The following HS6ST3 variants were observed in gnomAD, a reference collection of about 807,000 sequenced individuals.
HS6ST3 encodes the protein heparan-sulfate 6-O-sulfotransferase 3.
In HS6ST3, 12 loss-of-function variants were observed where a neutral mutation model predicts 36.7. That is an observed-to-expected ratio of 0.33 (90% CI 0.21 to 0.53). The LOEUF is 0.53. Ranked by LOEUF, HS6ST3 falls within the 20% of genes least tolerant of loss-of-function variation. The pLI, the probability that HS6ST3 is intolerant of heterozygous loss-of-function variation, is 0.95. For missense variants in HS6ST3, 584 were observed against 640.9 expected, an observed-to-expected ratio of 0.91 and a Z score of 0.96; for synonymous variants, 240 against 257.5, an observed-to-expected ratio of 0.93 and a Z score of 0.65.
At chr13:96,564,839 T>C (rs1463964248) in intron 1 of HS6ST3, among the ~76,000 whole-genome samples, 1 of 152,176 alleles carries the variant, frequency 6.6e-6, no homozygotes, top group South Asian at 2.1e-4. Flanking sequence ...TCGTAGTAAC[T>C]AAATTTCCTA....
intron 1 of HS6ST3, among the ~76,000 whole-genome samples, chr13:96,129,360 A>G (rs925643479): frequency 6.6e-6 from 1 of 152,230 alleles, no homozygotes; most frequent in African/African-American, 2.4e-5. Flanking sequence ...GTAACCTGAT[A>G]ACTGTATTAA....
At chr13:96,134,090 G>T (rs922359158) in intron 1 of HS6ST3, among the ~76,000 whole-genome samples, 1 of 152,008 alleles carries the variant, frequency 6.6e-6, no homozygotes, top group Non-Finnish European at 1.5e-5. Context: ...CCAGTTGACT[G>T]TAAGTTCATG....
chr13:96,591,772 C>T (rs1201606484), intron 1 of HS6ST3, among the ~76,000 whole-genome samples: 1 of 151,998 alleles, frequency 6.6e-6, no homozygotes, highest in Non-Finnish European at 1.5e-5. Flanking sequence ...TTGTTGTGTT[C>T]CTGATCTCAG....
At chr13:96,406,213 TACAGACAATTATG>T (rs1404516834) in intron 1 of HS6ST3, among the ~76,000 whole-genome samples, 1 of 152,242 alleles carries the variant, frequency 6.6e-6, no homozygotes, top group African/African-American at 2.4e-5. Flanking sequence ...TGCTATCACA[TACAGACAATTATG>T]ACAGCTCCTT....
At chr13:96,249,303 C>T (rs1393174091) in intron 1 of HS6ST3, among the ~76,000 whole-genome samples, 1 of 152,156 alleles carries the variant, frequency 6.6e-6, no homozygotes, top group Non-Finnish European at 1.5e-5. Flanking sequence ...GTGGACTTTG[C>T]TTAAGATAAT....
chr13:96,835,115 G>A lies in HS6ST3; in HGVS notation c.*1917G>A, dbSNP rs976576082. 7 of 152,114 alleles carry A rather than the reference G, an allele frequency of 4.6e-5. No homozygotes were observed. Among genetic ancestry groups the A allele is most frequent in the East Asian group, 1.9e-4 (1 of 5,196 alleles). 9.4% of individuals were successfully genotyped at this position (152,114 alleles called of 1,614,324 possible). On this transcript the variant is annotated 3_prime_UTR_variant, in exon 2 of 2. Coordinates refer to ENST00000376705, the MANE Select transcript of HS6ST3 (RefSeq NM_153456.4). ...GCAAAGGTCAAGTTCTCTTTACTCC[G>A]TCACCATATCCATATGGAATAAGGG...
At chr13:96,498,366 G>T (rs1354163643) in intron 1 of HS6ST3, among the ~76,000 whole-genome samples, 1 of 152,140 alleles carries the variant, frequency 6.6e-6, no homozygotes, top group Non-Finnish European at 1.5e-5. Flanking sequence ...AGACCTTGAG[G>T]CTTCTTCTTC....
At chr13:96,597,544 T>A (rs370563263) in intron 1 of HS6ST3, among the ~76,000 whole-genome samples, 34 of 152,096 alleles carry the variant, frequency 2.2e-4, no homozygotes, top group African/African-American at 7.9e-4. Flanking sequence ...ATTTATTTTT[T>A]TTTCTTGATG....
At chr13:96,292,687 A>G (rs1481598186) in intron 1 of HS6ST3, among the ~76,000 whole-genome samples, 2 of 152,112 alleles carry the variant, frequency 1.3e-5, no homozygotes, top group South Asian at 2.1e-4. Flanking sequence ...GACAGATAAG[A>G]ACTCTGTTCC....
intron 1 of HS6ST3, among the ~76,000 whole-genome samples, chr13:96,119,165 C>T (rs1235479895): frequency 6.6e-6 from 1 of 152,026 alleles, no homozygotes; most frequent in East Asian, 1.9e-4. Flanking sequence ...AGCACAATTA[C>T]AGCATATAGG....
intron 1 of HS6ST3, among the ~76,000 whole-genome samples, chr13:96,713,613 A>G (rs960045881): frequency 1.3e-5 from 2 of 152,214 alleles, no homozygotes; most frequent in African/African-American, 4.8e-5. Context: ...AGGCATGTGC[A>G]TTCAACAATT....
intron 1 of HS6ST3, among the ~76,000 whole-genome samples, chr13:96,824,385 T>G (rs1878606484): frequency 6.6e-6 from 1 of 152,260 alleles, no homozygotes; most frequent in Non-Finnish European, 1.5e-5. Context: ...CCTAAAGCTC[T>G]TTATTATGAT....
intron 1 of HS6ST3, among the ~76,000 whole-genome samples, chr13:96,354,784 G>C (rs1167227924): frequency 6.6e-6 from 1 of 151,670 alleles, no homozygotes; most frequent in Non-Finnish European, 1.5e-5. Flanking sequence ...AAAGTACCCT[G>C]AAAAAAAAGT....
chr13:96,413,148 T>C (rs1005623499), intron 1 of HS6ST3, among the ~76,000 whole-genome samples: 1 of 152,222 alleles, frequency 6.6e-6, no homozygotes, highest in African/African-American at 2.4e-5. Flanking sequence ...GGATGCTTTC[T>C]GTATTTCACT....
At chr13:96,273,947 C>CCCTT (rs1209301154) in intron 1 of HS6ST3, among the ~76,000 whole-genome samples, 44 of 81,276 alleles carry the variant, frequency 5.4e-4, no homozygotes, top group South Asian at 3.7e-3. Context: ...CTCCCTCCCT[C>CCCTT]CCTTCCTTCC....
At chr13:96,214,805 T>C (rs777506264) in intron 1 of HS6ST3, among the ~76,000 whole-genome samples, 22 of 152,210 alleles carry the variant, frequency 1.4e-4, no homozygotes, top group Non-Finnish European at 2.4e-4. Flanking sequence ...TTATTATTTA[T>C]ATAAGTAAAT....
chr13:96,551,050 C>A (rs1424892802), intron 1 of HS6ST3, among the ~76,000 whole-genome samples: 2 of 152,148 alleles, frequency 1.3e-5, no homozygotes, highest in African/African-American at 4.8e-5. Context: ...ATGTAAACAA[C>A]CTAAATTAAC....
At chr13:96,480,882 C>G (rs2138897829) in intron 1 of HS6ST3, among the ~76,000 whole-genome samples, 1 of 152,274 alleles carries the variant, frequency 6.6e-6, no homozygotes, top group South Asian at 2.1e-4. Flanking sequence ...CAGTGCCCAG[C>G]TACTGAAGAA....
chr13:96,778,704 C>T (rs1877455187), intron 1 of HS6ST3, among the ~76,000 whole-genome samples: 1 of 152,000 alleles, frequency 6.6e-6, no homozygotes, highest in Non-Finnish European at 1.5e-5. Flanking sequence ...AAACTGGAAC[C>T]CTTTTACACT....
Sources: allele counts gnomAD v4.1 joint callset (sites outside exome capture counted in the v4.1 genomes callset), GRCh38; gene constraint gnomAD v4.1.1; transcripts MANE v1.5; gene names NCBI Gene and HGNC (gene_info 2026-07-23, HGNC 2026-07-21).